Variants in TET1 observed in about 807,000 individuals in gnomAD.
TET1 encodes tet methylcytosine dioxygenase 1.
Under a neutral mutation model 148.7 loss-of-function variants are expected in TET1, and 13 were observed. That is an observed-to-expected ratio of 0.09 (90% CI 0.06 to 0.14). The LOEUF (loss-of-function observed/expected upper bound fraction) is 0.14, where lower values mean the gene tolerates loss of function less well. TET1 is among the 10% of genes least tolerant of loss of function. The probability of loss-of-function intolerance (pLI) is 1.00; values close to 1 mark genes in which losing one functional copy is unlikely to be tolerated. For missense variants in TET1, 2,182 were observed against 2,553.8 expected, an observed-to-expected ratio of 0.85 and a Z score of 3.14; for synonymous variants, 907 against 937.2, an observed-to-expected ratio of 0.97 and a Z score of 0.59.
chr10:68,624,490 T>G (rs2054423887), intron 3 of TET1, among the ~76,000 whole-genome samples: 1 of 151,806 alleles, frequency 6.6e-6, no homozygotes, highest in Admixed American at 6.6e-5. Flanking sequence ...GGTTTCTCCA[T>G]GTTGGTCAGG....
chr10:68,641,854 A>G (rs1373903976), intron 3 of TET1, among the ~76,000 whole-genome samples: 2 of 152,188 alleles, frequency 1.3e-5, no homozygotes, highest in Non-Finnish European at 2.9e-5. Context: ...GCTGGGGAAC[A>G]GTGGCATAAT....
chr10:68,661,216 T>TTTTTTTTTTA (rs2055107644), intron 6 of TET1, among the ~76,000 whole-genome samples: 1 of 141,284 alleles, frequency 7.1e-6, no homozygotes, highest in Non-Finnish European at 1.5e-5. Context: ...TTTTTTTTTT[T>TTTTTTTTTTA]TTTTTGTAGT....
chr10:68,653,340 C>G (rs911510182), intron 6 of TET1, among the ~76,000 whole-genome samples: 7 of 152,140 alleles, frequency 4.6e-5, no homozygotes, highest in African/African-American at 1.7e-4. Flanking sequence ...TGTTAAATCA[C>G]TGTCTTTAAT....
intron 7 of TET1, among the ~76,000 whole-genome samples, chr10:68,669,596 C>T (rs528607905): frequency 6.7e-5 from 10 of 148,710 alleles, no homozygotes; most frequent in Admixed American, 3.4e-4. Context: ...CCTCGTGATT[C>T]GCCCACCTCG....
At chr10:68,649,944 A>G (rs887012999) in intron 4 of TET1, among the ~76,000 whole-genome samples, 1 of 152,220 alleles carries the variant, frequency 6.6e-6, no homozygotes, top group East Asian at 1.9e-4. Context: ...AGGCACTTAA[A>G]GACAGAGAAA....
chr10:68,658,102 C>G (rs1176823039), intron 6 of TET1, among the ~76,000 whole-genome samples: 1 of 152,132 alleles, frequency 6.6e-6, no homozygotes, highest in Non-Finnish European at 1.5e-5. Flanking sequence ...TAATCTATAT[C>G]AAGCATCGTT....
intron 7 of TET1, among the ~76,000 whole-genome samples, chr10:68,669,365 C>T (rs952350527): frequency 5.3e-5 from 8 of 150,526 alleles, no homozygotes; most frequent in Admixed American, 3.3e-4. Flanking sequence ...GGTTGAGTTG[C>T]GGTGGCGTGA....
intron 10 of TET1, among the ~76,000 whole-genome samples, chr10:68,683,850 T>C (rs1318603140): frequency 6.6e-6 from 1 of 152,274 alleles, no homozygotes; most frequent in Non-Finnish European, 1.5e-5. Context: ...ATTTGCATTC[T>C]GGTATGCCTA....
intron 3 of TET1, among the ~76,000 whole-genome samples, chr10:68,608,381 G>A (rs549762789): frequency 5.3e-5 from 8 of 151,838 alleles, no homozygotes; most frequent in East Asian, 1.9e-4. Flanking sequence ...GATTACAGGC[G>A]TCCGCCACCA....
intron 3 of TET1, among the ~76,000 whole-genome samples, chr10:68,618,406 C>A (rs1250224745): frequency 1.3e-5 from 2 of 152,130 alleles, no homozygotes; most frequent in African/African-American, 4.8e-5. Flanking sequence ...AGACTTCATT[C>A]CTTCTTTATC....
At chr10:68,635,306 C>T (rs1291751138) in intron 3 of TET1, among the ~76,000 whole-genome samples, 1 of 151,874 alleles carries the variant, frequency 6.6e-6, no homozygotes, top group African/African-American at 2.4e-5. Flanking sequence ...TAAAGTCCAG[C>T]AATTTGGCTG....
Position 68,646,247 on chromosome 10 carries a change from G to T in TET1, c.3518G>T (p.Arg1173Leu), listed in dbSNP as rs768586634. ...GTTGTAAGTTATCAAGAAAATGATC[G>T]GCAGAAGTGGGAAAAGTTGTCCTAT... ...PTVVSYQEND[R>L]QKWEKLSYMY... Residue 1173 changes from arginine to leucine, a missense_variant, in exon 4 of 12, where the codon CGG becomes CTG. Coordinates refer to ENST00000373644, the MANE Select transcript of TET1 (RefSeq NM_030625.3). The T allele has an allele frequency of 2.5e-6, 4 of 1,614,082 alleles. No homozygotes were observed. Among genetic ancestry groups the T allele is most frequent in the Non-Finnish European group, 3.4e-6 (4 of 1,180,020 alleles).
chr10:68,664,670 ATTTTTTTTT>A (rs398013961), intron 6 of TET1, among the ~76,000 whole-genome samples: 1 of 99,546 alleles, frequency 1.0e-5, no homozygotes, highest in African/African-American at 4.2e-5. Flanking sequence ...CCCAGCCTGC[ATTTTTTTTT>A]TTTTTTTTTT....
chr10:68,667,216 A>G lies in TET1; in HGVS notation c.4633A>G (p.Asn1545Asp). Residue 1545 changes from asparagine (N) to aspartate (D), a missense_variant, in exon 7 of 12, where the codon AAT becomes GAT. Physicochemically the swap from Asn to Asp is conservative, Grantham distance 23. Around this residue, in one of 11 missense-constraint regions of TET1, gnomAD observed 169 missense variants for 263.7 expected, o/e 0.64. Transcript: ENST00000373644. ...GCTCACAGAGAATCTAAAGTCATAC[A>G]ATGGGCACCCTACCGACAGAAGATG... is the stretch of plus-strand genomic sequence containing the variant. ...TELTENLKSY[N>D]GHPTDRRCTL... is the part of the protein sequence containing the mutation. 6.2e-7 allele frequency: 1 copy of G among 1,614,056 alleles called. No homozygotes were observed. The highest frequency in any genetic ancestry group is 8.5e-7 in the Non-Finnish European group (1 of 1,179,994).
At chr10:68,657,024 C>CAAAA (rs35763138) in intron 6 of TET1, among the ~76,000 whole-genome samples, 1,266 of 118,812 alleles carry the variant, frequency 0.011, 15 homozygotes, top group African/African-American at 0.034. Flanking sequence ...AGTCTAGCTC[C>CAAAA]AAAAAAAAAA....
intron 8 of TET1, among the ~76,000 whole-genome samples, chr10:68,677,769 C>T (rs10823247): frequency 0.77 from 116,388 of 151,918 alleles, 45,131 homozygotes; most frequent in Middle Eastern, 0.84. Flanking sequence ...TACAGGCATG[C>T]GCCACCACGC....
chr10:68,650,661 A>G (rs1345196357), intron 4 of TET1, among the ~76,000 whole-genome samples: 1 of 152,040 alleles, frequency 6.6e-6, no homozygotes, highest in African/African-American at 2.4e-5. Context: ...ATAAAGGTGA[A>G]AAAGGAAGCC....
intron 3 of TET1, among the ~76,000 whole-genome samples, chr10:68,609,613 T>C (rs1218643207): frequency 1.3e-5 from 2 of 152,192 alleles, no homozygotes; most frequent in Non-Finnish European, 1.5e-5. Flanking sequence ...TCTGTACTTC[T>C]GAAGTTTTTG....
chr10:68,665,096 T>C (rs2055179234), intron 6 of TET1, among the ~76,000 whole-genome samples: 1 of 152,150 alleles, frequency 6.6e-6, no homozygotes, highest in Non-Finnish European at 1.5e-5. Context: ...AATTAGCAGA[T>C]TTGGTGTAAG....
Sources: allele counts gnomAD v4.1 joint callset (sites outside exome capture counted in the v4.1 genomes callset), GRCh38; gene constraint gnomAD v4.1.1; regional missense constraint gnomAD v4.1.1; transcripts MANE v1.5; gene names NCBI Gene and HGNC (gene_info 2026-07-23, HGNC 2026-07-21).